LANCL3: variants seen among roughly 807,000 people sequenced by gnomAD.
LANCL3 encodes LanC like family member 3, also known as lanC-like protein 3.
A neutral mutation model predicts 26.5 loss-of-function variants in LANCL3; 19 were observed. The ratio of observed to expected loss-of-function variants is 0.72; its 90% CI spans 0.50 to 1.05. The LOEUF (loss-of-function observed/expected upper bound fraction) is 1.05, where lower values mean the gene tolerates loss of function less well. LANCL3 is among the 50% of genes least tolerant of loss of function. LANCL3 has a pLI of 0.00. For synonymous variants in LANCL3, 160 were observed against 166.6 expected, an observed-to-expected ratio of 0.96 and a Z score of 0.30; for missense variants, 318 against 362.7, an observed-to-expected ratio of 0.88 and a Z score of 1.00.
intron 1 of LANCL3, among the ~76,000 whole-genome samples, chrX:37,629,198 G>A (rs1425463139): frequency 9.1e-5 from 10 of 109,510 alleles, no homozygotes; most frequent in East Asian, 5.7e-4. Flanking sequence ...CTGATGGCCA[G>A]TGATGATGGG....
chrX:37,581,097 C>G (rs1281776350), intron 1 of LANCL3, among the ~76,000 whole-genome samples: 7 of 111,234 alleles, frequency 6.3e-5, no homozygotes, highest in African/African-American at 1.6e-4. Flanking sequence ...TGATGCCGCT[C>G]TTGCTGGTTT....
intron 1 of LANCL3, among the ~76,000 whole-genome samples, chrX:37,616,323 G>T (rs1556421687): frequency 8.9e-6 from 1 of 111,984 alleles, no homozygotes; most frequent in African/African-American, 3.2e-5. Context: ...TCAGAGAACT[G>T]GAGGGAACAA....
intron 4 of LANCL3, among the ~76,000 whole-genome samples, chrX:37,671,147 T>G (rs1338351217): frequency 9.9e-5 from 11 of 111,451 alleles, no homozygotes; most frequent in African/African-American, 3.6e-4. Flanking sequence ...TTTCTATTAG[T>G]TTTTTATTGA....
intron 1 of LANCL3, among the ~76,000 whole-genome samples, chrX:37,600,557 A>G (rs1248665854): frequency 8.9e-6 from 1 of 112,305 alleles, no homozygotes; most frequent in Non-Finnish European, 1.9e-5. Flanking sequence ...TAATCTTTTC[A>G]GTGTCCACAG....
chrX:37,572,763 A>C (rs1556415927), intron 1 of LANCL3, among the ~76,000 whole-genome samples: 1 of 112,106 alleles, frequency 8.9e-6, no homozygotes. Flanking sequence ...AAAACCTCAG[A>C]AATGGAAGGG....
chrX:37,640,914 A>G (rs993640415), intron 1 of LANCL3, among the ~76,000 whole-genome samples: 17 of 111,510 alleles, frequency 1.5e-4, no homozygotes, highest in Non-Finnish European at 2.5e-4. Flanking sequence ...TAAAACAAAA[A>G]TTGAATCTGG....
intron 1 of LANCL3, among the ~76,000 whole-genome samples, chrX:37,616,760 C>A (rs1925021828): frequency 9.0e-6 from 1 of 111,567 alleles, no homozygotes; most frequent in Admixed American, 9.5e-5. Flanking sequence ...AAGGATAATA[C>A]AAATGGTACA....
intron 1 of LANCL3, among the ~76,000 whole-genome samples, chrX:37,602,070 G>C (rs782025427): frequency 8.1e-5 from 9 of 111,454 alleles, no homozygotes; most frequent in Non-Finnish European, 1.5e-4. Context: ...AGTGTATTGG[G>C]GCAGGTTGGG....
At chrX:37,675,010 A>T (rs782801951) in intron 4 of LANCL3, among the ~76,000 whole-genome samples, 14 of 112,285 alleles carry the variant, frequency 1.2e-4, no homozygotes, top group African/African-American at 4.5e-4. Flanking sequence ...ATATGGGTAA[A>T]AGAAAAAAGG....
chrX:37,599,486 A>G (rs987961210), intron 1 of LANCL3, among the ~76,000 whole-genome samples: 1 of 112,036 alleles, frequency 8.9e-6, no homozygotes, highest in African/African-American at 3.2e-5. Context: ...CAAGTACCAC[A>G]CTTTGAGAAC....
chrX:37,633,869 C>T (rs1183645819), intron 1 of LANCL3, among the ~76,000 whole-genome samples: 11 of 112,169 alleles, frequency 9.8e-5, no homozygotes, highest in African/African-American at 2.9e-4. Flanking sequence ...TTAGGCTGCT[C>T]GGGGGTCAGG....
At chrX:37,655,648 G>C (rs1556430512) in intron 1 of LANCL3, 40 bp from the exon 2 acceptor site, 14 of 1,142,652 alleles carry the variant, frequency 1.2e-5, no homozygotes, top group Non-Finnish European at 1.6e-5. Context: ...GGAAAAAGGA[G>C]ATCCTGCTTT....
intron 4 of LANCL3, among the ~76,000 whole-genome samples, chrX:37,668,903 G>C (rs1473413390): frequency 8.9e-6 from 1 of 112,319 alleles, no homozygotes; most frequent in East Asian, 2.8e-4. Context: ...TTTAACAAGT[G>C]ATTCTCCATT....
intron 1 of LANCL3, among the ~76,000 whole-genome samples, chrX:37,638,180 A>G (rs932672274): frequency 9.0e-6 from 1 of 111,597 alleles, no homozygotes; most frequent in African/African-American, 3.3e-5. Context: ...GAGAGAGAAC[A>G]CTGGCTACAG....
At chrX:37,634,707 G>T (rs1925655409) in intron 1 of LANCL3, among the ~76,000 whole-genome samples, 1 of 112,219 alleles carries the variant, frequency 8.9e-6, no homozygotes, top group African/African-American at 3.2e-5. Context: ...TAATAGTATT[G>T]CATAAGTATT....
At chrX:37,585,577 C>T (rs782803046) in intron 1 of LANCL3, among the ~76,000 whole-genome samples, 27 of 111,645 alleles carry the variant, frequency 2.4e-4, no homozygotes, top group African/African-American at 8.1e-4. Flanking sequence ...TTTTGATCTT[C>T]GTTGGTTTAA....
intron 1 of LANCL3, among the ~76,000 whole-genome samples, chrX:37,630,339 G>C (rs1925457408): frequency 9.0e-6 from 1 of 111,701 alleles, no homozygotes; most frequent in South Asian, 3.7e-4. Flanking sequence ...ATCAGCTTAA[G>C]GAGATTTTGG....
At chrX:37,628,445 GT>G (rs782595131) in intron 1 of LANCL3, among the ~76,000 whole-genome samples, 9 of 109,776 alleles carry the variant, frequency 8.2e-5, no homozygotes, top group African/African-American at 2.3e-4. Flanking sequence ...TCAACTTGAT[GT>G]TTTTTTTATT....
At chrX:37,572,941 T>C (rs145936365) in intron 1 of LANCL3, among the ~76,000 whole-genome samples, 4,956 of 111,942 alleles carry the variant, frequency 0.044, 288 homozygotes, top group African/African-American at 0.15. Flanking sequence ...TGTTTACTGT[T>C]TTGCTTACTA....
Sources: allele counts gnomAD v4.1 joint callset (sites outside exome capture counted in the v4.1 genomes callset), GRCh38; gene constraint gnomAD v4.1.1; transcripts MANE v1.5; gene names NCBI Gene and HGNC (gene_info 2026-07-23, HGNC 2026-07-21).